The following ESRRG variants were observed in gnomAD, a reference collection of about 807,000 sequenced individuals.
ESRRG encodes estrogen-related receptor gamma.
In ESRRG, 13 loss-of-function variants were observed where a neutral mutation model predicts 44.0. The observed-to-expected ratio is 0.30, with a 90% confidence interval of 0.19 to 0.47. The LOEUF (loss-of-function observed/expected upper bound fraction) is 0.47, where lower values mean the gene tolerates loss of function less well. Among genes scored for constraint, ESRRG ranks in the 20% least tolerant of loss-of-function variants. The pLI is 1.00. For synonymous variants in ESRRG, 215 were observed against 214.6 expected, an observed-to-expected ratio of 1.00 and a Z score of -0.02; for missense variants, 395 against 580.6, an observed-to-expected ratio of 0.68 and a Z score of 3.29.
At chr1:216,594,566 G>A (rs2058167279) in intron 3 of ESRRG, among the ~76,000 whole-genome samples, 1 of 152,122 alleles carries the variant, frequency 6.6e-6, no homozygotes, top group South Asian at 2.1e-4. Context: ...GGAGCACTCA[G>A]CATCTAGAAC....
intron 1 of ESRRG, among the ~76,000 whole-genome samples, chr1:217,123,233 C>T (rs1443554262): frequency 2.6e-5 from 4 of 152,134 alleles, no homozygotes; most frequent in Non-Finnish European, 5.9e-5. Context: ...ATATACCTAA[C>T]AGTATATCAT....
At chr1:216,803,402 G>A (rs558755736) in intron 2 of ESRRG, among the ~76,000 whole-genome samples, 3 of 152,014 alleles carry the variant, frequency 2.0e-5, no homozygotes, top group East Asian at 1.9e-4. Context: ...AGTGTCCCCC[G>A]CCCCATCACC....
intron 2 of ESRRG, among the ~76,000 whole-genome samples, chr1:216,792,261 C>A (rs997316467): frequency 6.6e-6 from 1 of 152,098 alleles, no homozygotes; most frequent in Non-Finnish European, 1.5e-5. Flanking sequence ...CTCTATCAGG[C>A]CTTTTTCTCC....
At chr1:216,894,464 T>C (rs187921036) in intron 2 of ESRRG, among the ~76,000 whole-genome samples, 174 of 152,250 alleles carry the variant, frequency 1.1e-3, no homozygotes, top group African/African-American at 4.0e-3. Flanking sequence ...CATCTATATT[T>C]ACACAGCCCC....
chr1:217,054,339 G>T (rs548673547), intron 1 of ESRRG, among the ~76,000 whole-genome samples: 1 of 152,296 alleles, frequency 6.6e-6, no homozygotes, highest in Non-Finnish European at 1.5e-5. Context: ...CTCCAAGTAA[G>T]AGGCACATTT....
At chr1:216,815,237 A>G (rs1288625624) in intron 2 of ESRRG, among the ~76,000 whole-genome samples, 1 of 152,226 alleles carries the variant, frequency 6.6e-6, no homozygotes. Context: ...AGTGCTGACT[A>G]TGTGCCAGGC....
chr1:216,997,149 G>A (rs2076468490), intron 1 of ESRRG, among the ~76,000 whole-genome samples: 1 of 152,136 alleles, frequency 6.6e-6, no homozygotes, highest in Non-Finnish European at 1.5e-5. Flanking sequence ...TAATTAAAGA[G>A]AGAAAGGCAT....
chr1:216,664,598 A>C (rs2073393857), intron 2 of ESRRG, among the ~76,000 whole-genome samples: 1 of 151,036 alleles, frequency 6.6e-6, no homozygotes, highest in Non-Finnish European at 1.5e-5. Context: ...AAAAGATTAG[A>C]ACTTTGGTGT....
intron 5 of ESRRG, among the ~76,000 whole-genome samples, chr1:216,546,229 G>T (rs1385851787): frequency 6.6e-6 from 1 of 152,164 alleles, no homozygotes; most frequent in South Asian, 2.1e-4. Context: ...AATGTTCCCT[G>T]TGAGGCAAAA....
intron 2 of ESRRG, among the ~76,000 whole-genome samples, chr1:216,792,405 G>A (rs1227421326): frequency 1.3e-5 from 2 of 151,280 alleles, no homozygotes; most frequent in East Asian, 1.9e-4. Flanking sequence ...GGTTTTTTTT[G>A]CCAGGTTAAA....
At chr1:217,111,023 T>C (rs372292018) in intron 1 of ESRRG, among the ~76,000 whole-genome samples, 11 of 152,306 alleles carry the variant, frequency 7.2e-5, no homozygotes, top group African/African-American at 2.2e-4. Context: ...AACTCAGTGT[T>C]AGTGAGTGTT....
At chr1:217,084,282 G>A (rs180842234) in intron 1 of ESRRG, among the ~76,000 whole-genome samples, 31 of 152,232 alleles carry the variant, frequency 2.0e-4, no homozygotes, top group African/African-American at 7.5e-4. Flanking sequence ...CTAAAGAACA[G>A]CTTGTAGATA....
intron 3 of ESRRG, among the ~76,000 whole-genome samples, chr1:216,640,191 C>G (rs1241044687): frequency 6.6e-6 from 1 of 152,110 alleles, no homozygotes; most frequent in Non-Finnish European, 1.5e-5. Context: ...CACTGGCTCT[C>G]AAAAAGCACA....
chr1:216,732,848 A>AG (rs1237409035), intron 2 of ESRRG, among the ~76,000 whole-genome samples: 1,107 of 77,772 alleles, frequency 0.014, 14 homozygotes, highest in Non-Finnish European at 0.022. Context: ...TAAAAAAAAA[A>AG]AGGGGGGGGA....
chr1:216,956,124 T>C lies in ESRRG; in HGVS notation c.-105-16451A>G, dbSNP rs529645482. 2.0e-5 allele frequency among the ~76,000 whole-genome samples: 3 copies of C among 152,302 alleles called. No homozygotes were observed. In the East Asian group the frequency reaches 5.8e-4, roughly 29 times the overall value. ...CATACAAAATCTTTTCCTAGACCAA[T>C]GTCCTGAAGAGTTTCCTGTATGTTT... is the stretch of plus-strand genomic sequence containing the variant. On this transcript the variant is annotated intron_variant, in intron 1 of 7. Transcript: ENST00000359162.
At chr1:216,925,262 C>T (rs1463420394) in intron 2 of ESRRG, among the ~76,000 whole-genome samples, 1 of 151,890 alleles carries the variant, frequency 6.6e-6, no homozygotes, top group Non-Finnish European at 1.5e-5. Flanking sequence ...CATGGTGAAA[C>T]CCCGTCTCTA....
chr1:216,619,035 C>T (rs1237080900), intron 3 of ESRRG, among the ~76,000 whole-genome samples: 1 of 152,226 alleles, frequency 6.6e-6, no homozygotes, highest in East Asian at 1.9e-4. Context: ...AGGCATTCAG[C>T]TCCACCAGAT....
At chr1:216,917,822 A>C (rs1054109838) in intron 2 of ESRRG, among the ~76,000 whole-genome samples, 2 of 152,216 alleles carry the variant, frequency 1.3e-5, no homozygotes, top group African/African-American at 4.8e-5. Context: ...CTTATCCGCA[A>C]ATTAAAAGTT....
intron 2 of ESRRG, among the ~76,000 whole-genome samples, chr1:216,658,863 GAGAAGAGAAGAGAAGAGAAGAGAAGAGA>G (rs2071405044): frequency 2.1e-5 from 1 of 47,218 alleles, no homozygotes; most frequent in Non-Finnish European, 5.9e-5. Context: ...GAGAAGAGAA[GAGAAGAGAAGAGAAGAGAAGAGAAGAGA>G]AGAGAAGAGA....
Sources: allele counts gnomAD v4.1 joint callset (sites outside exome capture counted in the v4.1 genomes callset), GRCh38; gene constraint gnomAD v4.1.1; transcripts MANE v1.5; gene names NCBI Gene and HGNC (gene_info 2026-07-23, HGNC 2026-07-21).